PDGFRB: variants seen among roughly 807,000 people sequenced by gnomAD.
PDGFRB encodes platelet derived growth factor receptor beta, also known as platelet-derived growth factor receptor beta.
A neutral mutation model predicts 120.2 loss-of-function variants in PDGFRB; 42 were observed. The observed-to-expected ratio is 0.35, with a 90% CI of 0.27 to 0.45. The LOEUF is 0.45. Among genes scored for constraint, PDGFRB ranks in the 20% least tolerant of loss-of-function variants. The probability of loss-of-function intolerance (pLI) is 1.00; values close to 1 mark genes in which losing one functional copy is unlikely to be tolerated. For synonymous variants in PDGFRB, 586 were observed against 606.8 expected, an observed-to-expected ratio of 0.97 and a Z score of 0.50; for missense variants, 1,149 against 1,476.3, an observed-to-expected ratio of 0.78 and a Z score of 3.63.
Position 150,135,986 on chromosome 5 carries a change from G to A in PDGFRB, c.41-108C>T, listed in dbSNP as rs868252015. 8.2e-5 allele frequency: 56 copies of A among 680,428 alleles called. No individual in the cohort carries two copies. The African/African-American group carries it at 9.6e-4, about 12-fold the overall frequency. 42.1% of individuals were successfully genotyped at this position (680,428 alleles called of 1,614,324 possible). A position where few individuals can be genotyped will look rare whatever the true frequency, so the allele number is the denominator to read the frequency against. On this transcript the variant is annotated intron_variant, in intron 2 of 22. Coordinates refer to ENST00000261799, the MANE Select transcript of PDGFRB (RefSeq NM_002609.4). ...TGCACAGCCCTCAGGTCCTTGAGGAGCACAGCTCCTTTATCCGACAGACTG... is the reference window on the plus strand; with the variant it reads ...TGCACAGCCCTCAGGTCCTTGAGGAACACAGCTCCTTTATCCGACAGACTG...
intron 10 of PDGFRB, 47 bp from the exon 11 acceptor site, chr5:150,126,661 C>G (rs1406805441): frequency 1.1e-6 from 1 of 942,596 alleles, no homozygotes. Context: ...GGGCAGCTAC[C>G]CTCCCCTCAC....
chr5:150,132,876 C>A lies in PDGFRB; in HGVS notation c.1001G>T (p.Arg334Leu), dbSNP rs375079353. 3 of 1,599,432 alleles carry A rather than the reference C, an allele frequency of 1.9e-6. No homozygotes were observed. Among genetic ancestry groups the A allele is most frequent in the Non-Finnish European group, 2.6e-6 (3 of 1,173,574 alleles). Residue 334 changes from arginine (R) to leucine (L), a missense_variant, in exon 7 of 23, where the codon CGG (arginine) becomes CTG (leucine). Physicochemically the swap from Arg to Leu is moderately radical, Grantham distance 102 (BLOSUM62 -2). This residue lies in a region of PDGFRB where 879 missense variants were observed against 1,108.6 expected (regional missense o/e 0.79). Coordinates refer to ENST00000261799, the MANE Select transcript of PDGFRB (RefSeq NM_002609.4). This position sits in a 1 kb window ranked among gnomAD's most constrained non-coding sequence, Gnocchi z 5.0. ...GGCCTCGAACACTACCTGCAGTGTC[C>A]GGCTCCGATGCAGCTCAGCAAATTG... ...TLQFAELHRS[R>L]TLQVVFEAYP...
chr5:150,130,752 T>C (rs1343714133), intron 8 of PDGFRB, 90 bp from the exon 9 acceptor site: 13 of 1,139,444 alleles, frequency 1.1e-5, no homozygotes, highest in African/African-American at 1.6e-5. Context: ...CCAGAGACTC[T>C]CTTGGGGGAG....
intron 8 of PDGFRB, among the ~76,000 whole-genome samples, chr5:150,131,262 T>A (rs898746367): frequency 2.0e-5 from 3 of 152,144 alleles, no homozygotes; most frequent in African/African-American, 7.2e-5. Context: ...CTATCCCCGT[T>A]CTGACTTCAT....
At position 150,124,782 on chromosome 5, in the gene PDGFRB, A is replaced by C; in HGVS notation, c.1857T>G (p.Ala619=). The C allele has an allele frequency of 6.2e-7, 1 of 1,609,632 alleles. No individual in the cohort carries two copies. The highest frequency in any genetic ancestry group is 8.5e-7 in the Non-Finnish European group (1 of 1,176,936). Residue 619 remains alanine, a synonymous_variant, in exon 13 of 23, where the codon GCT becomes GCG. Transcript: ENST00000261799. The stretch of plus-strand genomic sequence containing the variant: ...TGGCCTGAGAATGGCTCAGGCCATG[A>C]GCCGTGGCCTCCACCACCTGCCCAA... ...GAFGQVVEAT[A]HGLSHSQATM... is the part of the protein sequence containing the mutation.
chr5:150,125,461 C>T lies in PDGFRB; in HGVS notation c.1791G>A (p.Arg597=), dbSNP rs1326856842. Residue 597 remains arginine (R), a synonymous_variant, in exon 12 of 23, where the codon CGG becomes CGA. Transcript: ENST00000261799. ...LPYDSTWELP[R]DQLVLGRTLG... Reference sequence around the variant, plus strand: ...AGGACTGACCCAGCACAAGCTGGTCCCGCGGCAGCTCCCACGTGGAGTCAT... The same window carrying T: ...AGGACTGACCCAGCACAAGCTGGTCTCGCGGCAGCTCCCACGTGGAGTCAT... The T allele has an allele frequency of 1.2e-6, 2 of 1,612,110 alleles. No homozygotes were observed. The highest frequency in any genetic ancestry group is 2.7e-5 in the African/African-American group (2 of 74,906).
At chr5:150,141,223 C>T (rs1760775379) in intron 1 of PDGFRB, among the ~76,000 whole-genome samples, 1 of 152,256 alleles carries the variant, frequency 6.6e-6, no homozygotes, top group Non-Finnish European at 1.5e-5. Flanking sequence ...CGTGGAGATG[C>T]ACCCGTGTGC....
chr5:150,118,307 T>G (rs1254516730), intron 21 of PDGFRB, among the ~76,000 whole-genome samples: 1 of 152,176 alleles, frequency 6.6e-6, no homozygotes, highest in Non-Finnish European at 1.5e-5. Context: ...CCTCCTCACT[T>G]GGACCCGTGT....
In PDGFRB at chr5:150,113,871, A is replaced by C. The variant is rs1440809045; in HGVS notation, c.*1892T>G. 1 of 231,932 alleles carries C rather than the reference A, an allele frequency of 4.3e-6. No individual in the cohort carries two copies. The highest frequency in any genetic ancestry group is 8.5e-6 in the Non-Finnish European group (1 of 117,130). The allele number at this position is 231,932 out of a possible 1,614,324, so 14.4% of individuals were successfully genotyped here. A position where few individuals can be genotyped will look rare whatever the true frequency, so the allele number is the denominator to read the frequency against. On this transcript the variant is annotated 3_prime_UTR_variant, in exon 23 of 23. Coordinates refer to ENST00000261799, the MANE Select transcript of PDGFRB (RefSeq NM_002609.4). ...GAGAAGCACCAGGTTTAATATTAAA[A>C]TCTTTCCCTTAAAAAAAAGTACACA...
rs2113883485 is a variant in PDGFRB, at chr5:150,117,628, TG to T, written c.3126del (p.Ser1043AlafsTer2). 1.2e-6 allele frequency: 2 copies of T among 1,606,036 alleles called. No homozygotes were observed. The highest frequency in any genetic ancestry group is 1.7e-6 in the Non-Finnish European group (2 of 1,173,346). On this transcript the variant is annotated frameshift_variant, in exon 22 of 23. Transcript: ENST00000261799. LOFTEE classifies it high-confidence loss of function. ...GGCCAGGGTGGTTACCTGGCTAGGCTGGGGGAACCCTCCAGTGGGCCCTCGT... is the reference window on the plus strand; with the variant it reads ...GGCCAGGGTGGTTACCTGGCTAGGCTGGGGAACCCTCCAGTGGGCCCTCGT... ...VADEGPLEGS[P>X]SLASSTLNEV...
intron 2 of PDGFRB, among the ~76,000 whole-genome samples, chr5:150,136,436 C>G (rs934619832): frequency 6.6e-6 from 1 of 152,148 alleles, no homozygotes; most frequent in African/African-American, 2.4e-5. Context: ...ACGACATCCC[C>G]TGGAGAAGGA....
rs374412074 is a variant in PDGFRB, at chr5:150,129,769, C to T, written c.1567G>A (p.Val523Met). 110 of 1,612,648 alleles carry T rather than the reference C, an allele frequency of 6.8e-5. No homozygotes were observed. In the African/African-American group the frequency reaches 1.0e-3, roughly 15 times the overall value. ...AVGQDTQEVI[V>M]VPHSLPFKVV... Reference sequence around the variant, plus strand: ...GCTGGGGACTCACAGTGTGGCACCACGATGACCTCCTGCGTGTCCTGGCCC... The same window carrying T: ...GCTGGGGACTCACAGTGTGGCACCATGATGACCTCCTGCGTGTCCTGGCCC... The change falls in exon 10 of 23, where the codon GTG becomes ATG. Residue 523 changes from valine (V) to methionine (M), a missense_variant. By Grantham distance (21) the Val-to-Met change is conservative. Around this residue, in one of 3 missense-constraint regions of PDGFRB, gnomAD observed 879 missense variants for 1,108.6 expected, o/e 0.79. Transcript: ENST00000261799.
At chr5:150,117,544 GCACACACACACACACACACACACA>G (rs3836743) in intron 22 of PDGFRB, 50 bp downstream of exon 22, 5 of 516,470 alleles carry the variant, frequency 9.7e-6, no homozygotes, top group Non-Finnish European at 1.7e-5. Flanking sequence ...GCGCGCGCGC[GCACACACACACACACACACACACA>G]CACACACACA....
In PDGFRB at chr5:150,136,003, G is replaced by A. The variant is rs533547778; in HGVS notation, c.41-125C>T. 14 of 607,314 alleles carry A rather than the reference G, an allele frequency of 2.3e-5. No homozygotes were observed. The East Asian group carries it at 2.4e-4, about 11-fold the overall frequency. 37.6% of individuals were successfully genotyped at this position (607,314 alleles called of 1,614,324 possible). On this transcript the variant is annotated intron_variant, in intron 2 of 22. Transcript: ENST00000261799. The stretch of plus-strand genomic sequence containing the variant: ...CTTGAGGAGCACAGCTCCTTTATCC[G>A]ACAGACTGGGGCTCTCCAGCCATGG...
chr5:150,135,008 C>T lies in PDGFRB; in HGVS notation c.373G>A (p.Val125Met), dbSNP rs540587683. The change falls in exon 4 of 23, where the codon GTG becomes ATG. Residue 125 changes from valine (V) to methionine (M), a missense_variant. Around this residue, in one of 3 missense-constraint regions of PDGFRB, gnomAD observed 879 missense variants for 1,108.6 expected, o/e 0.79. Coordinates refer to ENST00000261799, the MANE Select transcript of PDGFRB (RefSeq NM_002609.4). ...RLYIFVPDPT[V>M]GFLPNDAEEL... ...TCGGCATCATTAGGGAGGAAGCCCA[C>T]GGTGGGATCTGCCAGGAGTGGAGCC... 38 of 1,565,848 alleles carry T rather than the reference C, an allele frequency of 2.4e-5. No individual in the cohort carries two copies. The highest frequency in any genetic ancestry group is 2.0e-4 in the Middle Eastern group (1 of 4,926).
Position 150,113,970 on chromosome 5 carries a change from A to G in PDGFRB, c.*1793T>C, listed in dbSNP as rs564947152. ...GTGAGTTAACGTGAGTCCTAAAAAT[A>G]TTTGTAAACCTAGGTGATTATATCT... On this transcript the variant is annotated 3_prime_UTR_variant, in exon 23 of 23. Transcript: ENST00000261799. The G allele has an allele frequency of 4.3e-6, 1 of 233,464 alleles. No homozygotes were observed. The highest frequency in any genetic ancestry group is 8.5e-6 in the Non-Finnish European group (1 of 117,910). 14.5% of individuals were successfully genotyped at this position (233,464 alleles called of 1,614,324 possible).
chr5:150,147,384 C>T (rs1041250626), intron 1 of PDGFRB, among the ~76,000 whole-genome samples: 13 of 152,310 alleles, frequency 8.5e-5, no homozygotes, highest in South Asian at 4.1e-4. Flanking sequence ...GTGCGGCAGG[C>T]GCAGACAAGC....
chr5:150,128,089 T>C (rs1419686226), intron 10 of PDGFRB, among the ~76,000 whole-genome samples: 1 of 152,158 alleles, frequency 6.6e-6, no homozygotes, highest in African/African-American at 2.4e-5. Flanking sequence ...ATCTCGGTCC[T>C]GGGAAGGAAG....
At chr5:150,130,984 T>C (rs1044505046) in intron 8 of PDGFRB, among the ~76,000 whole-genome samples, 20 of 152,202 alleles carry the variant, frequency 1.3e-4, no homozygotes, top group African/African-American at 4.6e-4. Context: ...AATAGCATTG[T>C]TTGGTCTTCT....
Sources: gnomAD v4.1 joint callset for allele counts (sites outside exome capture counted in the v4.1 genomes callset) on GRCh38, gnomAD v4.1.1 for gene constraint, gnomAD v4.1.1 regional missense constraint, Gnocchi (gnomAD v3.1) non-coding constraint, MANE v1.5 for transcripts, NCBI Gene and HGNC (gene_info 2026-07-23, HGNC 2026-07-21) for gene names.